MAGI2: variants seen among roughly 807,000 people sequenced by gnomAD.
The protein encoded by MAGI2 is membrane associated guanylate kinase, WW and PDZ domain containing 2.
A neutral mutation model predicts 133.3 loss-of-function variants in MAGI2; 35 were observed. The observed-to-expected ratio is 0.26, with a 90% confidence interval of 0.20 to 0.35. The LOEUF is 0.35. MAGI2 is among the 10% of genes least tolerant of loss of function. MAGI2 has a pLI of 1.00. For missense variants in MAGI2, 1,636 were observed against 1,863.4 expected (o/e 0.88, Z 2.25); for synonymous variants, 729 against 710.6 (o/e 1.03, Z -0.41).
chr7:78,641,793 T>A (rs1810345065), intron 2 of MAGI2, among the ~76,000 whole-genome samples: 1 of 152,148 alleles, frequency 6.6e-6, no homozygotes, highest in Non-Finnish European at 1.5e-5. Flanking sequence ...AGATATTTGG[T>A]CTCTCAAGAA....
intron 1 of MAGI2, among the ~76,000 whole-genome samples, chr7:79,041,164 C>G (rs775451527): frequency 3.3e-5 from 5 of 152,302 alleles, no homozygotes; most frequent in Admixed American, 6.5e-5. Context: ...CCATGATCCA[C>G]TATTCCTTAG....
chr7:78,221,388 T>C (rs1788814245), intron 10 of MAGI2, among the ~76,000 whole-genome samples: 1 of 152,210 alleles, frequency 6.6e-6, no homozygotes, highest in Non-Finnish European at 1.5e-5. Flanking sequence ...AAGGGTTTAT[T>C]GTCTCAAATT....
At chr7:79,293,536 A>G (rs1836668677) in intron 1 of MAGI2, among the ~76,000 whole-genome samples, 2 of 152,230 alleles carry the variant, frequency 1.3e-5, no homozygotes, top group African/African-American at 4.8e-5. Flanking sequence ...AATAGTGATA[A>G]GTATAACAAT....
intron 13 of MAGI2, chr7:78,184,750 TTAAG>T (rs1306305787): frequency 3.9e-5 from 6 of 152,222 alleles, no homozygotes; most frequent in African/African-American, 1.4e-4. Flanking sequence ...TTCGAAATGG[TTAAG>T]TAAAAAATAA....
Position 79,224,445 on chromosome 7 carries a change from T to A in MAGI2, c.302-217239A>T, listed in dbSNP as rs557328927. ...CACACTTCTGCCAACTTTGTCGAAA[T>A]ATCACACAATCCCAATCCTAGATAT... On this transcript the variant is annotated intron_variant, in intron 1 of 21. Transcript: ENST00000354212. 5.9e-4 allele frequency among the ~76,000 whole-genome samples: 90 copies of A among 152,062 alleles called. 2 individuals are homozygous for A. The highest frequency in any genetic ancestry group is 2.1e-3 in the African/African-American group (87 of 41,376).
At chr7:78,227,439 C>T (rs973306957) in intron 10 of MAGI2, among the ~76,000 whole-genome samples, 3 of 152,150 alleles carry the variant, frequency 2.0e-5, no homozygotes, top group African/African-American at 7.2e-5. Context: ...CTAACTGGAC[C>T]TAGTCCATCT....
chr7:78,965,172 CTAAT>C (rs1168930923), intron 2 of MAGI2, among the ~76,000 whole-genome samples: 3 of 151,144 alleles, frequency 2.0e-5, no homozygotes, highest in African/African-American at 4.9e-5. Context: ...AAATCTAAAT[CTAAT>C]TAATTAATAT....
chr7:78,695,494 C>A (rs916066264), intron 2 of MAGI2, among the ~76,000 whole-genome samples: 1 of 152,162 alleles, frequency 6.6e-6, no homozygotes, highest in African/African-American at 2.4e-5. Flanking sequence ...CCTTCACATA[C>A]CCTTAAGTCT....
intron 1 of MAGI2, among the ~76,000 whole-genome samples, chr7:79,016,986 C>T (rs1808799283): frequency 6.6e-6 from 1 of 152,238 alleles, no homozygotes; most frequent in Non-Finnish European, 1.5e-5. Flanking sequence ...AGGCCCCGTG[C>T]ATCTCCACAT....
chr7:78,527,647 A>G (rs1797092389), intron 3 of MAGI2, among the ~76,000 whole-genome samples: 1 of 152,246 alleles, frequency 6.6e-6, no homozygotes, highest in Non-Finnish European at 1.5e-5. Context: ...AATTTTAGGT[A>G]TGAGGAAATG....
At chr7:78,518,315 T>TA (rs1385539373) in intron 4 of MAGI2, 1 of 152,176 alleles carries the variant, frequency 6.6e-6, no homozygotes, top group Admixed American at 6.5e-5. Flanking sequence ...TTTATGCTTG[T>TA]ATTTGGTTAT....
intron 9 of MAGI2, among the ~76,000 whole-genome samples, chr7:78,285,355 C>G (rs192314883): frequency 6.6e-6 from 1 of 152,196 alleles, no homozygotes; most frequent in East Asian, 1.9e-4. Flanking sequence ...TCTCAGTCTC[C>G]AATAAATGAA....
chr7:79,286,052 T>C (rs1259194200), intron 1 of MAGI2, among the ~76,000 whole-genome samples: 3 of 152,006 alleles, frequency 2.0e-5, no homozygotes, highest in African/African-American at 4.8e-5. Context: ...TCTGGAAGCA[T>C]GTGTTGGAAA....
At position 79,007,164 on chromosome 7, in the gene MAGI2, C is replaced by T. The variant is rs778206850; in HGVS notation, c.344G>A (p.Arg115Gln). 4 of 1,613,068 alleles carry T rather than the reference C, an allele frequency of 2.5e-6. No homozygotes were observed. Among genetic ancestry groups the T allele is most frequent in the East Asian group, 2.2e-5 (1 of 44,816 alleles). ...DKDLRHYLNL[R>Q]FQKGSVDHEL... ...ATGGTCCACAGAACCCTTTTGAAAT[C>T]GTAAGTTGAGGTAGTGACGAAGGTC... Residue 115 changes from arginine (R) to glutamine (Q), a missense_variant, in exon 2 of 22, where the codon CGA (arginine) becomes CAA (glutamine). This residue lies in a region of MAGI2 where 148 missense variants were observed against 239.0 expected (regional missense o/e 0.62). Transcript: ENST00000354212.
At chr7:79,311,244 G>A (rs1260933342) in intron 1 of MAGI2, among the ~76,000 whole-genome samples, 2 of 152,088 alleles carry the variant, frequency 1.3e-5, no homozygotes, top group Non-Finnish European at 2.9e-5. Flanking sequence ...TCTAAATCAG[G>A]TGTGTCCGAT....
At chr7:79,192,127 C>A (rs576886687) in intron 1 of MAGI2, among the ~76,000 whole-genome samples, 3 of 152,000 alleles carry the variant, frequency 2.0e-5, no homozygotes, top group African/African-American at 7.2e-5. Flanking sequence ...AACCCCTACA[C>A]ATATCCAGTA....
intron 1 of MAGI2, among the ~76,000 whole-genome samples, chr7:79,367,161 A>T (rs1247293342): frequency 3.3e-5 from 5 of 152,204 alleles, no homozygotes; most frequent in Admixed American, 6.5e-5. Flanking sequence ...CCACTTACCC[A>T]TCCGTCGCAA....
chr7:78,927,272 C>G (rs1799776732), intron 2 of MAGI2, among the ~76,000 whole-genome samples: 2 of 151,932 alleles, frequency 1.3e-5, no homozygotes, highest in Admixed American at 1.3e-4. Flanking sequence ...ATTTTTTGAG[C>G]TTTCTTCTGG....
intron 1 of MAGI2, among the ~76,000 whole-genome samples, chr7:79,118,237 C>A (rs1405844479): frequency 2.0e-5 from 3 of 152,190 alleles, no homozygotes; most frequent in Admixed American, 6.5e-5. Context: ...AACTCCTTTG[C>A]ACTTGCAAAC....
Sources: gnomAD v4.1 joint callset for allele counts (sites outside exome capture counted in the v4.1 genomes callset) on GRCh38, gnomAD v4.1.1 for gene constraint, gnomAD v4.1.1 regional missense constraint, MANE v1.5 for transcripts, NCBI Gene and HGNC (gene_info 2026-07-23, HGNC 2026-07-21) for gene names.